The following UBA6 variants were observed in gnomAD, a reference collection of about 807,000 sequenced individuals.
UBA6 encodes ubiquitin-like modifier-activating enzyme 6.
A neutral mutation model predicts 148.3 loss-of-function variants in UBA6; 87 were observed. That is an observed-to-expected ratio of 0.59 (90% CI 0.49 to 0.70). The LOEUF (loss-of-function observed/expected upper bound fraction) is 0.70. Among genes scored for constraint, UBA6 ranks in the 30% least tolerant of loss-of-function variants. The pLI, the probability that UBA6 is intolerant of heterozygous loss-of-function variation, is 0.00. For synonymous variants in UBA6, 376 were observed against 401.0 expected, an observed-to-expected ratio of 0.94 and a Z score of 0.75; for missense variants, 1,186 against 1,241.2, an observed-to-expected ratio of 0.96 and a Z score of 0.67.
chr4:67,638,188 T>G (rs1577799719), intron 19 of UBA6: 1 of 152,430 alleles, frequency 6.6e-6, no homozygotes, highest in Non-Finnish European at 1.5e-5. Flanking sequence ...CTGCTGCGGG[T>G]AACCAGCATG....
At position 67,618,691 on chromosome 4, in the gene UBA6, A is replaced by G; in HGVS notation, c.*306T>C. Reference sequence around the variant, plus strand: ...TCATCCATATCTGTTCTGGTCATACATATTTTTTCCTTCTTTTTATCCAGA... The same window carrying G: ...TCATCCATATCTGTTCTGGTCATACGTATTTTTTCCTTCTTTTTATCCAGA... On this transcript the variant is annotated 3_prime_UTR_variant, in exon 33 of 33. Transcript: ENST00000322244. 1 of 219,790 alleles carries G rather than the reference A, an allele frequency of 4.5e-6. No homozygotes were observed. Among genetic ancestry groups the G allele is most frequent in the Non-Finnish European group, 8.9e-6 (1 of 112,752 alleles). 13.6% of individuals were successfully genotyped at this position (219,790 alleles called of 1,614,324 possible). A position where few individuals can be genotyped will look rare whatever the true frequency, so the allele number is the denominator to read the frequency against.
rs768013526 is a variant in UBA6 at position 67,626,444 on chromosome 4, C to T, written c.2434G>A (p.Asp812Asn). ...TCTTCACTGCTAATAGGAACATGGTCTGGTTTCCTTGCAGTTTCATCTGTT... is the reference window on the plus strand; with the variant it reads ...TCTTCACTGCTAATAGGAACATGGTTTGGTTTCCTTGCAGTTTCATCTGTT... ...VQTDETARKP[D>N]HVPISSEDER... The change falls in exon 28 of 33, where the codon GAC becomes AAC. Residue 812 changes from aspartate (D) to asparagine (N), a missense_variant. Transcript: ENST00000322244. 1.9e-6 allele frequency: 3 copies of T among 1,610,928 alleles called. No individual in the cohort carries two copies. The highest frequency in any genetic ancestry group is 2.5e-6 in the Non-Finnish European group (3 of 1,178,170).
chr4:67,672,973 C>T (rs556034844), intron 7 of UBA6, among the ~76,000 whole-genome samples: 14 of 152,184 alleles, frequency 9.2e-5, no homozygotes, highest in South Asian at 2.1e-4. Context: ...TATTTAAAAA[C>T]GCATGATGTA....
chr4:67,623,017 C>CAGT, intron 31 of UBA6, 92 bp from the exon 32 acceptor site: 2 of 1,357,342 alleles, frequency 1.5e-6, no homozygotes, highest in Non-Finnish European at 2.0e-6. Flanking sequence ...GTTTTATGAC[C>CAGT]AGTAAAAAAA....
At chr4:67,686,952 T>TAAAAAAAAAAAAAAA (rs546442640) in intron 2 of UBA6, among the ~76,000 whole-genome samples, 3 of 57,188 alleles carry the variant, frequency 5.2e-5, no homozygotes, top group African/African-American at 2.3e-4. Context: ...ATCCTGTCTC[T>TAAAAAAAAAAAAAAA]AAAAAAAAAA....
chr4:67,678,498 T>G lies in UBA6; in HGVS notation c.294A>C (p.Ala98=). ...GAAAGAAGTTGGTTCCTAGATCCCA[T>G]GCTTGGCATTTTTCTGTATCATGAA... is the stretch of plus-strand genomic sequence containing the variant. The part of the protein sequence containing the change: ...VTIHDTEKCQ[A]WDLGTNFFLS... Residue 98 remains alanine, a synonymous_variant, in exon 5 of 33, where the codon GCA becomes GCC. Coordinates refer to ENST00000322244, the MANE Select transcript of UBA6 (RefSeq NM_018227.6). 1 of 1,597,990 alleles carries G rather than the reference T, an allele frequency of 6.3e-7. No individual in the cohort carries two copies. Among genetic ancestry groups the G allele is most frequent in the East Asian group, 2.3e-5 (1 of 44,354 alleles).
Position 67,635,505 on chromosome 4 carries a change from T to A in UBA6, c.1790A>T (p.Lys597Met), listed in dbSNP as rs1430203317. ...PLLDSGTMGT[K>M]GHTEVIVPHL... ...CGGTACAATAACTTCAGTGTGTCCCTTAGTGCCCATTGTTCCAGAATCTAA... is the reference window on the plus strand; with the variant it reads ...CGGTACAATAACTTCAGTGTGTCCCATAGTGCCCATTGTTCCAGAATCTAA... Residue 597 changes from lysine (K) to methionine (M), a missense_variant, in exon 20 of 33, where the codon AAG (lysine) becomes ATG (methionine). By Grantham distance (95) the Lys-to-Met change is moderately conservative. Coordinates refer to ENST00000322244, the MANE Select transcript of UBA6 (RefSeq NM_018227.6). 8 of 1,613,012 alleles carry A rather than the reference T, an allele frequency of 5.0e-6. 1 individual carries two copies. The Middle Eastern group carries it at 1.2e-3, about 233-fold the overall frequency.
intron 11 of UBA6, chr4:67,663,472 A>G: frequency 2.6e-6 from 1 of 384,440 alleles, no homozygotes; most frequent in East Asian, 4.1e-5. Context: ...TTCCTTCCTT[A>G]TCACATTTAC....
chr4:67,692,827 GAAAGAGAACA>G (rs939986182), intron 2 of UBA6, among the ~76,000 whole-genome samples: 3 of 152,182 alleles, frequency 2.0e-5, no homozygotes, highest in African/African-American at 7.2e-5. Context: ...AGAACCCCAA[GAAAGAGAACA>G]TCATTAAAGT....
At chr4:67,665,379 C>T in intron 9 of UBA6, 87 bp from the exon 10 acceptor site, 1 of 782,182 alleles carries the variant, frequency 1.3e-6, no homozygotes, top group East Asian at 3.0e-5. Context: ...GTTAATTATC[C>T]CTAATTTACA....
chr4:67,631,878 C>G lies in UBA6; in HGVS notation c.2173G>C (p.Asp725His). ...ALQLLHCFPL[D>H]IRLKDGSLFW... The stretch of plus-strand genomic sequence containing the variant: ...TTACTGCCATCTTTTAATCGTATGT[C>G]CAGAGGGAAACAGTGAAGAAGCTGA... Residue 725 changes from aspartate (D) to histidine (H), a missense_variant, in exon 24 of 33, where the codon GAC becomes CAC. Asp to His is a moderately conservative substitution (Grantham distance 81). Transcript: ENST00000322244. The G allele has an allele frequency of 6.2e-7, 1 of 1,611,356 alleles. No homozygotes were observed. Among genetic ancestry groups the G allele is most frequent in the Admixed American group, 1.7e-5 (1 of 59,788 alleles).
chr4:67,629,221 T>A, intron 26 of UBA6, 79 bp from the exon 27 acceptor site: 1 of 867,946 alleles, frequency 1.2e-6, no homozygotes, highest in Non-Finnish European at 1.9e-6. Context: ...AAAAGGTCCT[T>A]AATCATATTA....
rs761541368 is a variant in UBA6, at chr4:67,677,733, A to G, written c.354-11T>C. The G allele has an allele frequency of 6.9e-7, 1 of 1,459,178 alleles. No individual in the cohort carries two copies. The highest frequency in any genetic ancestry group is 1.2e-5 in the South Asian group (1 of 82,934). 90.4% of individuals were successfully genotyped at this position (1,459,178 alleles called of 1,614,324 possible). A position where few individuals can be genotyped will look rare whatever the true frequency, so the allele number is the denominator to read the frequency against. On this transcript the variant is annotated splice_polypyrimidine_tract_variant and intron_variant, in intron 5 of 32. Transcript: ENST00000322244. ...AGTACAGCTTCAGCCCTAAAAAAATAAAATAAATTTTTACTGTTCTTTAAT... is the reference window on the plus strand; with the variant it reads ...AGTACAGCTTCAGCCCTAAAAAAATGAAATAAATTTTTACTGTTCTTTAAT...
In UBA6 at chr4:67,696,694, A is replaced by G; in HGVS notation, c.85T>C (p.Leu29=). The stretch of plus-strand genomic sequence containing the variant: ...ACAGATGCTGTTGACATAATGGGCA[A>G]ATTTTTATTTGTGCTGGAAAAAAAA... ...SWGTGSTNKN[L]PIMSTASVEI... Residue 29 remains leucine, a synonymous_variant, in exon 2 of 33, where the codon TTG becomes CTG. Coordinates refer to ENST00000322244, the MANE Select transcript of UBA6 (RefSeq NM_018227.6). 1 of 1,606,926 alleles carries G rather than the reference A, an allele frequency of 6.2e-7. No individual in the cohort carries two copies. Among genetic ancestry groups the G allele is most frequent in the East Asian group, 2.2e-5 (1 of 44,658 alleles).
chr4:67,617,994 C>T lies in UBA6; in HGVS notation c.*1003G>A, dbSNP rs910374585. 2.0e-5 allele frequency: 3 copies of T among 149,332 alleles called. No individual in the cohort carries two copies. Among genetic ancestry groups the T allele is most frequent in the African/African-American group, 7.4e-5 (3 of 40,718 alleles). The allele number at this position is 149,332 out of a possible 1,614,324, so 9.3% of individuals were successfully genotyped here. On this transcript the variant is annotated 3_prime_UTR_variant, in exon 33 of 33. Coordinates refer to ENST00000322244, the MANE Select transcript of UBA6 (RefSeq NM_018227.6). ...AATAAATTTTTATCTTCATTAACTC[C>T]CTTTCTGGGAATGGGAATGAAATAA...
At chr4:67,626,526 T>TAA (rs35602179) in intron 27 of UBA6, 49 bp from the exon 28 acceptor site, 275,851 of 1,178,110 alleles carry the variant, frequency 0.23, 34,091 homozygotes, top group Non-Finnish European at 0.25. Flanking sequence ...TTCCTGCATC[T>TAA]GTTTGGTTAC....
intron 32 of UBA6, 127 bp downstream of exon 32, chr4:67,622,692 TTCACTGTCTTTA>T: frequency 1.7e-6 from 1 of 596,754 alleles, no homozygotes; most frequent in Middle Eastern, 4.5e-4. Context: ...ACCTGGCAGA[TTCACTGTCTTTA>T]TTAATGTCAT....
chr4:67,689,719 T>C (rs978210083), intron 2 of UBA6, among the ~76,000 whole-genome samples: 1 of 151,572 alleles, frequency 6.6e-6, no homozygotes, highest in African/African-American at 2.4e-5. Context: ...GTTAGTACCA[T>C]CTGCACCTTT....
intron 2 of UBA6, 103 bp downstream of exon 2, chr4:67,696,542 C>T (rs568164186): frequency 1.6e-5 from 12 of 746,252 alleles, no homozygotes; most frequent in African/African-American, 3.6e-5. Flanking sequence ...CACACACACA[C>T]ATATAATTCT....
Sources: allele counts gnomAD v4.1 joint callset (sites outside exome capture counted in the v4.1 genomes callset), GRCh38; gene constraint gnomAD v4.1.1; transcripts MANE v1.5; gene names NCBI Gene and HGNC (gene_info 2026-07-23, HGNC 2026-07-21).